CPNE5: variants seen among roughly 807,000 people sequenced by gnomAD.
CPNE5 encodes copine 5.
CPNE5 carries 42 observed loss-of-function variants against 81.1 expected under a neutral mutation model. The observed-to-expected ratio is 0.52, with a 90% CI of 0.40 to 0.67. CPNE5 has a LOEUF of 0.67. CPNE5 is among the 30% of genes least tolerant of loss of function. The pLI is 0.00. For synonymous variants in CPNE5, 313 were observed against 321.5 expected (o/e 0.97, Z 0.28); for missense variants, 612 against 815.5 (o/e 0.75, Z 3.04).
At chr6:36,830,720 G>C (rs1028735402) in intron 1 of CPNE5, among the ~76,000 whole-genome samples, 6 of 152,172 alleles carry the variant, frequency 3.9e-5, no homozygotes, top group Non-Finnish European at 7.3e-5. Flanking sequence ...CCCTGACAAG[G>C]TGCTTCATCT....
At chr6:36,829,024 C>A (rs1165197014) in intron 1 of CPNE5, among the ~76,000 whole-genome samples, 1 of 152,168 alleles carries the variant, frequency 6.6e-6, no homozygotes, top group Non-Finnish European at 1.5e-5. Flanking sequence ...AAGTGCTCAA[C>A]AAAGGCCTGT....
In CPNE5 at chr6:36,797,001, T is replaced by C. The variant is rs191276759; in HGVS notation, c.404+1164A>G. ...TCTCGGCTCACTGCAACCTCCTGGG[T>C]TCAAGTGATTCTCGTGCCTCAGCCT... On this transcript the variant is annotated intron_variant, in intron 6 of 20. Coordinates refer to ENST00000244751, the MANE Select transcript of CPNE5 (RefSeq NM_020939.2). 2.2e-4 allele frequency among the ~76,000 whole-genome samples: 33 copies of C among 152,188 alleles called. No homozygotes were observed. In the East Asian group the frequency reaches 6.2e-3, roughly 29 times the overall value.
At chr6:36,759,506 GC>G (rs1017555260) in intron 12 of CPNE5, among the ~76,000 whole-genome samples, 1 of 152,052 alleles carries the variant, frequency 6.6e-6, no homozygotes, top group African/African-American at 2.4e-5. Context: ...AGCTGTGCTG[GC>G]TCTGGGGATG....
At chr6:36,780,197 T>G (rs1300430133) in intron 8 of CPNE5, among the ~76,000 whole-genome samples, 2 of 152,064 alleles carry the variant, frequency 1.3e-5, no homozygotes, top group Admixed American at 1.3e-4. Context: ...TATTCTGACC[T>G]CATGATCCGC....
chr6:36,775,170 A>G lies in CPNE5; in HGVS notation c.633-105T>C, dbSNP rs910585144. ...GGTTCACATCTCTGGTTCCTGGACG[A>G]CGGAAATGATGGCTTCAAAAGGTGA... On this transcript the variant is annotated intron_variant, in intron 9 of 20. Transcript: ENST00000244751. 6 of 802,550 alleles carry G rather than the reference A, an allele frequency of 7.5e-6. No homozygotes were observed. In the East Asian group the frequency reaches 1.6e-4, roughly 21 times the overall value. 49.7% of individuals were successfully genotyped at this position (802,550 alleles called of 1,614,324 possible).
At chr6:36,814,570 G>C (rs1262302247) in intron 3 of CPNE5, among the ~76,000 whole-genome samples, 1 of 152,144 alleles carries the variant, frequency 6.6e-6, no homozygotes, top group African/African-American at 2.4e-5. Context: ...ATATTAGATA[G>C]TGTCGCTAGA....
intron 8 of CPNE5, among the ~76,000 whole-genome samples, chr6:36,780,596 C>T (rs1488797637): frequency 6.6e-6 from 1 of 152,276 alleles, no homozygotes; most frequent in South Asian, 2.1e-4. Flanking sequence ...GCGCTGTGTG[C>T]GTGTGAGCTG....
chr6:36,761,983 G>A (rs990311597), intron 12 of CPNE5, among the ~76,000 whole-genome samples: 25 of 152,134 alleles, frequency 1.6e-4, no homozygotes, highest in Non-Finnish European at 3.2e-4. Flanking sequence ...AGAACGCGGT[G>A]GCTCAGGCCT....
Position 36,839,389 on chromosome 6 carries a change from C to G in CPNE5, c.-12G>C, listed in dbSNP as rs776372762. 112 of 1,532,816 alleles carry G rather than the reference C, an allele frequency of 7.3e-5. No individual in the cohort carries two copies. The highest frequency in any genetic ancestry group is 6.7e-4 in the Middle Eastern group (4 of 5,968). 95.0% of individuals were successfully genotyped at this position (1,532,816 alleles called of 1,614,324 possible). On this transcript the variant is annotated 5_prime_UTR_variant, in exon 1 of 21. Coordinates refer to ENST00000244751, the MANE Select transcript of CPNE5 (RefSeq NM_020939.2). The surrounding 1 kb of genome is among the most constrained non-coding windows in gnomAD (Gnocchi z 7.3). Reference sequence around the variant, plus strand: ...TCAGGCTGCTCCATCGCCCACCGCACCCCCCACCCCAAATTAGTCAATCCC... The same window carrying G: ...TCAGGCTGCTCCATCGCCCACCGCAGCCCCCACCCCAAATTAGTCAATCCC...
intron 14 of CPNE5, among the ~76,000 whole-genome samples, chr6:36,750,873 G>T (rs1193712896): frequency 1.3e-5 from 2 of 152,218 alleles, no homozygotes; most frequent in Non-Finnish European, 2.9e-5. Context: ...CCTGCCCTGG[G>T]TTCTGAAAAG....
At chr6:36,788,235 G>T (rs543917290) in intron 8 of CPNE5, among the ~76,000 whole-genome samples, 1 of 151,446 alleles carries the variant, frequency 6.6e-6, no homozygotes, top group African/African-American at 2.4e-5. Flanking sequence ...TCGGGGGGGG[G>T]TCTCACTATG....
chr6:36,779,079 A>G, intron 8 of CPNE5, 122 bp from the exon 9 acceptor site: 1 of 677,742 alleles, frequency 1.5e-6, no homozygotes, highest in East Asian at 2.6e-5. Context: ...ACTAAGTGCC[A>G]GGCCCTTATT....
intron 1 of CPNE5, among the ~76,000 whole-genome samples, chr6:36,825,159 G>T (rs1772394471): frequency 6.6e-6 from 1 of 152,098 alleles, no homozygotes; most frequent in Non-Finnish European, 1.5e-5. Flanking sequence ...AGCCTGTCGG[G>T]CAACTTGACC....
intron 4 of CPNE5, 46 bp downstream of exon 4, chr6:36,799,921 T>C: frequency 7.2e-7 from 1 of 1,395,798 alleles, no homozygotes; most frequent in East Asian, 2.3e-5. Flanking sequence ...CTGCCAGCAA[T>C]CTTCCTCCCC....
Position 36,751,174 on chromosome 6 carries a change from G to T in CPNE5, c.971+1860C>A, listed in dbSNP as rs572543972. Among the ~76,000 whole-genome samples, 3 of 152,292 alleles carry T rather than the reference G, an allele frequency of 2.0e-5. No homozygotes were observed. In the East Asian group the frequency reaches 5.8e-4, roughly 29 times the overall value. ...GGCTCTCCAGAGAGTTTAAAGAGAG[G>T]GCTGGCTCTGGGGCTATAACCTGCC... is the stretch of plus-strand genomic sequence containing the variant. On this transcript the variant is annotated intron_variant, in intron 14 of 20. Transcript: ENST00000244751.
In CPNE5 at chr6:36,742,464, A is replaced by G. The variant is rs762726747; in HGVS notation, c.1586T>C (p.Val529Ala). The change falls in exon 21 of 21, where the codon GTG becomes GCG. Residue 529 changes from valine to alanine, a missense_variant. By Grantham distance (64) the Val-to-Ala change is moderately conservative (BLOSUM62 0). Coordinates refer to ENST00000244751, the MANE Select transcript of CPNE5 (RefSeq NM_020939.2). ...IVQFVPFRDY[V>A]DRTGNHVLSM... The stretch of plus-strand genomic sequence containing the variant: ...CAGCACGTGGTTGCCTGTGCGGTCC[A>G]CGTAGTCCCGGAAGGGTACAAACTG... 5.6e-6 allele frequency: 9 copies of G among 1,612,644 alleles called. No individual in the cohort carries two copies. The highest frequency in any genetic ancestry group is 7.6e-6 in the Non-Finnish European group (9 of 1,179,906).
intron 12 of CPNE5, among the ~76,000 whole-genome samples, chr6:36,762,214 T>G (rs1469595419): frequency 6.7e-5 from 8 of 118,794 alleles, no homozygotes; most frequent in Non-Finnish European, 1.0e-4. Flanking sequence ...GGCAACAGAG[T>G]GAGGCCCTGT....
intron 3 of CPNE5, among the ~76,000 whole-genome samples, chr6:36,818,315 C>T (rs1353457097): frequency 2.6e-5 from 4 of 152,222 alleles, no homozygotes; most frequent in South Asian, 2.1e-4. Flanking sequence ...CTTCCCTTCT[C>T]GTCGTTTCCC....
chr6:36,829,864 AAAAAAT>A (rs756263411), intron 1 of CPNE5, among the ~76,000 whole-genome samples: 22 of 147,752 alleles, frequency 1.5e-4, no homozygotes, highest in Admixed American at 5.4e-4. Flanking sequence ...AAAAAAAAAA[AAAAAAT>A]ACCCAACAGG....
Sources: allele counts gnomAD v4.1 joint callset (sites outside exome capture counted in the v4.1 genomes callset), GRCh38; gene constraint gnomAD v4.1.1; non-coding constraint Gnocchi (gnomAD v3.1); transcripts MANE v1.5; gene names NCBI Gene and HGNC (gene_info 2026-07-23, HGNC 2026-07-21).